Variants in PACSIN1 observed in about 807,000 individuals in gnomAD.
PACSIN1 encodes protein kinase C and casein kinase substrate in neurons 1, also known as protein kinase C and casein kinase substrate in neurons protein 1.
PACSIN1 carries 15 observed loss-of-function variants against 59.5 expected under a neutral mutation model. The ratio of observed to expected loss-of-function variants is 0.25; its 90% CI spans 0.17 to 0.39. The LOEUF is 0.39. Ranked by LOEUF, PACSIN1 falls within the 10% of genes least tolerant of loss-of-function variation. The pLI is 1.00. For synonymous variants in PACSIN1, 210 were observed against 220.6 expected (o/e 0.95, Z 0.42); for missense variants, 420 against 580.2 (o/e 0.72, Z 2.84).
At position 34,518,475 on chromosome 6, in the gene PACSIN1, A is replaced by T. The variant is rs542958163; in HGVS notation, c.-63-7768A>T. ...TGTCTCTGCCTCCCCATCTGTGGGC[A>T]TCTCACTTTGGGCTCCCCGAGAAGC... On this transcript the variant is annotated intron_variant, in intron 1 of 9. Coordinates refer to ENST00000244458, the MANE Select transcript of PACSIN1 (RefSeq NM_020804.5). This position sits in a 1 kb window ranked among gnomAD's most constrained non-coding sequence, Gnocchi z 4.4. 6.6e-6 allele frequency among the ~76,000 whole-genome samples: 1 copy of T among 152,280 alleles called. No homozygotes were observed. The highest frequency in any genetic ancestry group is 2.4e-5 in the African/African-American group (1 of 41,578).
intron 1 of PACSIN1, among the ~76,000 whole-genome samples, chr6:34,490,023 T>A (rs1003477990): frequency 3.3e-5 from 5 of 152,046 alleles, no homozygotes; most frequent in African/African-American, 1.2e-4. Context: ...GGACTTTCCA[T>A]TGGGTTGCTG....
intron 1 of PACSIN1, among the ~76,000 whole-genome samples, chr6:34,508,974 A>T (rs1767158427): frequency 6.6e-6 from 1 of 151,540 alleles, no homozygotes; most frequent in African/African-American, 2.4e-5. Context: ...TTACGTTTTC[A>T]CTCTGCTGTT....
At chr6:34,466,950 G>C (rs1296004033) in intron 1 of PACSIN1, among the ~76,000 whole-genome samples, 6 of 152,146 alleles carry the variant, frequency 3.9e-5, no homozygotes, top group African/African-American at 1.4e-4. Flanking sequence ...GGGTCATCAG[G>C]GTGTAGGAGA....
intron 1 of PACSIN1, among the ~76,000 whole-genome samples, chr6:34,493,419 T>G (rs1334683796): frequency 6.6e-6 from 1 of 152,254 alleles, no homozygotes; most frequent in African/African-American, 2.4e-5. Flanking sequence ...TTCTGCTGCA[T>G]GTAAACCCAA....
chr6:34,507,968 G>A (rs1346382182), intron 1 of PACSIN1, among the ~76,000 whole-genome samples: 2 of 152,144 alleles, frequency 1.3e-5, no homozygotes, highest in African/African-American at 4.8e-5. Context: ...TATTTAGATT[G>A]TTTCCACATC....
At chr6:34,523,943 C>A (rs1008874490) in intron 1 of PACSIN1, among the ~76,000 whole-genome samples, 1 of 152,186 alleles carries the variant, frequency 6.6e-6, no homozygotes, top group African/African-American at 2.4e-5. Context: ...GGACACTCAC[C>A]ACCTCATCTA....
intron 1 of PACSIN1, among the ~76,000 whole-genome samples, chr6:34,474,525 C>T (rs1334012532): frequency 6.6e-6 from 1 of 152,132 alleles, no homozygotes; most frequent in Admixed American, 6.5e-5. Flanking sequence ...TGCAGTGGCT[C>T]ACACCTGTAA....
Position 34,490,586 on chromosome 6 carries a change from C to T in PACSIN1, c.-64+24316C>T, listed in dbSNP as rs142327982. 5.6e-4 allele frequency among the ~76,000 whole-genome samples: 85 copies of T among 152,298 alleles called. No individual in the cohort carries two copies. The East Asian group carries it at 0.013, about 24-fold the overall frequency. ...CTGGCCTCTTCCTTCAGGATCCTGT[C>T]ATCCGCACTGTTGTCAGGGCACCCA... On this transcript the variant is annotated intron_variant, in intron 1 of 9. Coordinates refer to ENST00000244458, the MANE Select transcript of PACSIN1 (RefSeq NM_020804.5).
Position 34,512,004 on chromosome 6 carries a change from C to T in PACSIN1, c.-63-14239C>T, listed in dbSNP as rs555850292. On this transcript the variant is annotated intron_variant, in intron 1 of 9. Coordinates refer to ENST00000244458, the MANE Select transcript of PACSIN1 (RefSeq NM_020804.5). The stretch of plus-strand genomic sequence containing the variant: ...GTGGGACAGGAACATGGCTAAGGTC[C>T]AGGAACAGGAGCTGAGGTTGGGCAT... Among the ~76,000 whole-genome samples, 8 of 152,106 alleles carry T rather than the reference C, an allele frequency of 5.3e-5. No individual in the cohort carries two copies. The East Asian group carries it at 9.7e-4, about 18-fold the overall frequency.
intron 1 of PACSIN1, among the ~76,000 whole-genome samples, chr6:34,493,650 C>T (rs760743674): frequency 5.2e-4 from 79 of 152,316 alleles, no homozygotes; most frequent in Non-Finnish European, 1.0e-3. Context: ...GGTGGGGAAC[C>T]AGTGCTCCCC....
chr6:34,522,247 A>G (rs955056700), intron 1 of PACSIN1, among the ~76,000 whole-genome samples: 2 of 152,240 alleles, frequency 1.3e-5, no homozygotes, highest in African/African-American at 4.8e-5. Flanking sequence ...TCCGCTGTTT[A>G]CTGTCTCAAA....
chr6:34,487,720 G>A (rs1393725530), intron 1 of PACSIN1, among the ~76,000 whole-genome samples: 3 of 152,168 alleles, frequency 2.0e-5, no homozygotes, highest in Non-Finnish European at 4.4e-5. Flanking sequence ...GTCACTGGAC[G>A]CAGGCTGTCT....
rs753764882 is a variant in PACSIN1 at position 34,530,443 on chromosome 6, T to G, written c.910-17T>G. ...GGGCATAGTCCCCCAGCCTGACTGC[T>G]CCACTGGCCCCACCAGGAGTGGAAC... On this transcript the variant is annotated splice_polypyrimidine_tract_variant and intron_variant, in intron 7 of 9. Transcript: ENST00000244458. The surrounding 1 kb of genome is among the most constrained non-coding windows in gnomAD (Gnocchi z 4.4). 6.3e-7 allele frequency: 1 copy of G among 1,595,802 alleles called. No individual in the cohort carries two copies. Among genetic ancestry groups the G allele is most frequent in the Non-Finnish European group, 8.6e-7 (1 of 1,169,210 alleles).
intron 1 of PACSIN1, among the ~76,000 whole-genome samples, chr6:34,507,241 G>C (rs1319844538): frequency 6.6e-6 from 1 of 152,078 alleles, no homozygotes; most frequent in African/African-American, 2.4e-5. Context: ...ACTTCTTCCA[G>C]CTCCAAATCT....
rs78897429 is a variant in PACSIN1 at position 34,521,070 on chromosome 6, C to T, written c.-63-5173C>T. On this transcript the variant is annotated intron_variant, in intron 1 of 9. Coordinates refer to ENST00000244458, the MANE Select transcript of PACSIN1 (RefSeq NM_020804.5). The surrounding 1 kb of genome is among the most constrained non-coding windows in gnomAD (Gnocchi z 4.3). ...GTGCACTGCGCACTTACTATGTTGC[C>T]GGCACTGCACTGGATGCTGGAAATA... is the stretch of plus-strand genomic sequence containing the variant. Among the ~76,000 whole-genome samples, 2,039 of 152,274 alleles carry T rather than the reference C, an allele frequency of 0.013. 16 individuals are homozygous for T. Among genetic ancestry groups the T allele is most frequent in the Non-Finnish European group, 0.017 (1,140 of 68,024 alleles).
chr6:34,493,172 G>T (rs1039440881), intron 1 of PACSIN1, among the ~76,000 whole-genome samples: 1 of 152,134 alleles, frequency 6.6e-6, no homozygotes, highest in East Asian at 1.9e-4. Flanking sequence ...GCAAGAGGAG[G>T]GCAATTCTTG....
At chr6:34,479,418 G>A (rs1766684677) in intron 1 of PACSIN1, among the ~76,000 whole-genome samples, 1 of 151,990 alleles carries the variant, frequency 6.6e-6, no homozygotes, top group African/African-American at 2.4e-5. Context: ...AAAGAGTTCT[G>A]TTTCTTTTTG....
intron 1 of PACSIN1, among the ~76,000 whole-genome samples, chr6:34,472,616 G>A (rs1358632770): frequency 6.6e-6 from 1 of 152,178 alleles, no homozygotes; most frequent in Non-Finnish European, 1.5e-5. Context: ...CTGATGGCAT[G>A]TGAGTCACAT....
chr6:34,506,452 T>C (rs1767116063), intron 1 of PACSIN1, among the ~76,000 whole-genome samples: 1 of 152,238 alleles, frequency 6.6e-6, no homozygotes, highest in African/African-American at 2.4e-5. Flanking sequence ...TGGCCTCAAG[T>C]GATCCTCCTG....
Sources: allele counts gnomAD v4.1 joint callset (sites outside exome capture counted in the v4.1 genomes callset), GRCh38; gene constraint gnomAD v4.1.1; non-coding constraint Gnocchi (gnomAD v3.1); transcripts MANE v1.5; gene names NCBI Gene and HGNC (gene_info 2026-07-23, HGNC 2026-07-21).